Variants in HACD3 observed in about 807,000 individuals in gnomAD.
HACD3 encodes 3-hydroxyacyl-CoA dehydratase 3.
Under a neutral mutation model 55.2 loss-of-function variants are expected in HACD3, and 30 were observed. The ratio of observed to expected loss-of-function variants is 0.54; its 90% CI spans 0.41 to 0.74. The LOEUF (loss-of-function observed/expected upper bound fraction) is 0.74, where lower values mean the gene tolerates loss of function less well. Ranked by LOEUF, HACD3 falls within the 30% of genes least tolerant of loss-of-function variation. The probability of loss-of-function intolerance (pLI) is 0.00; values close to 1 mark genes in which losing one functional copy is unlikely to be tolerated. For missense variants in HACD3, 363 were observed against 440.1 expected, an observed-to-expected ratio of 0.82 and a Z score of 1.57; for synonymous variants, 141 against 151.7, an observed-to-expected ratio of 0.93 and a Z score of 0.52.
At chr15:65,537,628 T>TA (rs1453988170) in intron 1 of HACD3, among the ~76,000 whole-genome samples, 1 of 150,460 alleles carries the variant, frequency 6.6e-6, no homozygotes, top group East Asian at 1.9e-4. Context: ...CCGTCTCTAC[T>TA]AAAAAATAAA....
intron 1 of HACD3, chr15:65,535,695 T>A: frequency 2.1e-6 from 1 of 475,580 alleles, no homozygotes; most frequent in South Asian, 3.7e-5. Flanking sequence ...TCTTTGATGT[T>A]AACTTTTTTT....
chr15:65,574,348 A>C (rs2072379918), intron 10 of HACD3: 1 of 152,256 alleles, frequency 6.6e-6, no homozygotes, highest in Non-Finnish European at 1.5e-5. Flanking sequence ...TACTCATGGC[A>C]TGGCTTCCCC....
Position 65,564,294 on chromosome 15 carries a change from T to C in HACD3, c.612T>C (p.Asn204=), listed in dbSNP as rs181396823. The change falls in exon 7 of 11, where the codon AAT becomes AAC. Residue 204 remains asparagine (N), a synonymous_variant. Transcript: ENST00000261875. ...TGCTGGCAGTTGTGGAAACTATCAA[T>C]GCAGCAATTGGAGTCACTACGTCAC... ...CQMLAVVETI[N]AAIGVTTSPV... 7.2e-5 allele frequency: 117 copies of C among 1,613,868 alleles called. No individual in the cohort carries two copies. The Middle Eastern group carries it at 1.8e-3, about 25-fold the overall frequency.
chr15:65,571,088 T>G lies in HACD3; in HGVS notation c.774-460T>G, dbSNP rs115773550. The stretch of plus-strand genomic sequence containing the variant: ...TATAAAAGGATCAGATTATGGGTCC[T>G]TAATGCAATGTTTACTGTTTGAGAA... On this transcript the variant is annotated intron_variant, in intron 8 of 10. Transcript: ENST00000261875. 2.6e-3 allele frequency among the ~76,000 whole-genome samples: 390 copies of G among 152,354 alleles called. 1 individual carries two copies. Among genetic ancestry groups the G allele is most frequent in the African/African-American group, 9.0e-3 (376 of 41,586 alleles).
intron 10 of HACD3, among the ~76,000 whole-genome samples, chr15:65,575,848 T>G (rs1285257567): frequency 6.6e-6 from 1 of 152,228 alleles, no homozygotes; most frequent in African/African-American, 2.4e-5. Context: ...ATCCCAGTAC[T>G]TTGGGAGGCC....
chr15:65,576,975 A>G lies in HACD3; in HGVS notation c.*596A>G, dbSNP rs541200253. The stretch of plus-strand genomic sequence containing the variant: ...CTTTGGCCTAACAACATCTATTATT[A>G]TAGTGCTCAGCAGTGTGGGCATTGA... On this transcript the variant is annotated 3_prime_UTR_variant, in exon 11 of 11. Coordinates refer to ENST00000261875, the MANE Select transcript of HACD3 (RefSeq NM_016395.4). The G allele has an allele frequency of 6.5e-6, 1 of 152,694 alleles. No homozygotes were observed. The highest frequency in any genetic ancestry group is 2.1e-4 in the South Asian group (1 of 4,842). The allele number at this position is 152,694 out of a possible 1,614,324, so 9.5% of individuals were successfully genotyped here. A position where few individuals can be genotyped will look rare whatever the true frequency, so the allele number is the denominator to read the frequency against.
At chr15:65,546,820 A>T (rs925656435) in intron 1 of HACD3, among the ~76,000 whole-genome samples, 12 of 152,178 alleles carry the variant, frequency 7.9e-5, no homozygotes, top group Admixed American at 7.9e-4. Context: ...AAAAATACAC[A>T]GAGTTTTGGG....
intron 3 of HACD3, among the ~76,000 whole-genome samples, chr15:65,555,566 C>T (rs1292917885): frequency 6.6e-6 from 1 of 152,160 alleles, no homozygotes; most frequent in Non-Finnish European, 1.5e-5. Flanking sequence ...GCTTGAGCTT[C>T]TTGATTTCCG....
intron 2 of HACD3, chr15:65,552,947 G>GT (rs1275998013): frequency 1.3e-5 from 2 of 151,118 alleles, no homozygotes; most frequent in Admixed American, 1.3e-4. Context: ...GCGGTGTTTG[G>GT]TTTTTTGTTC....
At chr15:65,565,343 G>A (rs1217284017) in intron 7 of HACD3, 1 of 152,308 alleles carries the variant, frequency 6.6e-6, no homozygotes, top group Non-Finnish European at 1.5e-5. Context: ...GGGATTCTGT[G>A]TGGGGGCTCC....
intron 2 of HACD3, 106 bp downstream of exon 2, chr15:65,551,824 T>A: frequency 7.8e-7 from 1 of 1,277,182 alleles, no homozygotes; most frequent in Non-Finnish European, 1.1e-6. Context: ...TTTTTGCTGA[T>A]GTTCACGCCT....
In HACD3 at chr15:65,572,224, T is replaced by G. The variant is rs755513449; in HGVS notation, c.881-11T>G. 46 of 1,610,196 alleles carry G rather than the reference T, an allele frequency of 2.9e-5. No individual in the cohort carries two copies. Among genetic ancestry groups the G allele is most frequent in the Non-Finnish European group, 3.6e-5 (42 of 1,179,224 alleles). ...CATTTGCTTCTAACAAGTTCTTGTT[T>G]CTGTTTTCAGCTGTCTCAGTGATTC... On this transcript the variant is annotated splice_polypyrimidine_tract_variant and intron_variant, in intron 9 of 10. Coordinates refer to ENST00000261875, the MANE Select transcript of HACD3 (RefSeq NM_016395.4).
chr15:65,554,985 C>G (rs1282995493), intron 3 of HACD3, 25 bp downstream of exon 3: 2 of 1,546,188 alleles, frequency 1.3e-6, no homozygotes, highest in Non-Finnish European at 1.8e-6. Flanking sequence ...TTCTCACTTC[C>G]CTTCCCATTT....
chr15:65,550,582 A>C (rs1461522598), intron 1 of HACD3, among the ~76,000 whole-genome samples: 1 of 152,252 alleles, frequency 6.6e-6, no homozygotes, highest in African/African-American at 2.4e-5. Flanking sequence ...CATTTAAATA[A>C]ATAATTGCAG....
intron 1 of HACD3, among the ~76,000 whole-genome samples, chr15:65,538,806 G>A (rs2141205055): frequency 6.6e-6 from 1 of 152,282 alleles, no homozygotes; most frequent in East Asian, 1.9e-4. Flanking sequence ...CCAGCCTTCA[G>A]CAGTCACCAC....
intron 2 of HACD3, among the ~76,000 whole-genome samples, chr15:65,554,490 T>G (rs1226662304): frequency 1.3e-5 from 2 of 152,232 alleles, no homozygotes; most frequent in Admixed American, 1.3e-4. Flanking sequence ...AAGTATGATA[T>G]TCGTGCCAGG....
At chr15:65,563,855 A>G (rs1280346205) in intron 6 of HACD3, among the ~76,000 whole-genome samples, 1 of 152,156 alleles carries the variant, frequency 6.6e-6, no homozygotes, top group Non-Finnish European at 1.5e-5. Flanking sequence ...CTGTAGTCCC[A>G]GCTACTCGGG....
chr15:65,563,766 C>T (rs945987485), intron 6 of HACD3, among the ~76,000 whole-genome samples: 1 of 152,086 alleles, frequency 6.6e-6, no homozygotes, highest in Non-Finnish European at 1.5e-5. Context: ...GTCAAGAGAT[C>T]GAGACCATCC....
intron 1 of HACD3, among the ~76,000 whole-genome samples, chr15:65,543,852 A>G (rs539883420): frequency 6.0e-4 from 91 of 152,294 alleles, no homozygotes; most frequent in African/African-American, 2.2e-3. Context: ...AATAATGGTA[A>G]TGGAATTTGG....
Sources: gnomAD v4.1 joint callset for allele counts (sites outside exome capture counted in the v4.1 genomes callset) on GRCh38, gnomAD v4.1.1 for gene constraint, MANE v1.5 for transcripts, NCBI Gene and HGNC (gene_info 2026-07-23, HGNC 2026-07-21) for gene names.